The following DMBT1 variants were observed in gnomAD, a reference collection of about 807,000 sequenced individuals.
DMBT1 encodes the protein scavenger receptor cysteine-rich domain-containing protein DMBT1.
Under a neutral mutation model 252.9 loss-of-function variants are expected in DMBT1, and 198 were observed. The observed-to-expected ratio is 0.78, with a 90% CI of 0.70 to 0.88. DMBT1 has a LOEUF of 0.88. DMBT1 is among the 40% of genes least tolerant of loss of function. The probability of loss-of-function intolerance (pLI) is 0.00; values close to 1 mark genes in which losing one functional copy is unlikely to be tolerated. For synonymous variants in DMBT1, 990 were observed against 942.7 expected, an observed-to-expected ratio of 1.05 and a Z score of -0.92; for missense variants, 2,432 against 2,404.7, an observed-to-expected ratio of 1.01 and a Z score of -0.24.
chr10:122,599,745 T>C (rs1170013773), intron 26 of DMBT1, among the ~76,000 whole-genome samples: 1 of 152,126 alleles, frequency 6.6e-6, no homozygotes, highest in Non-Finnish European at 1.5e-5. Context: ...GCACAAGGGA[T>C]TTTGGCTGGA....
At chr10:122,573,957 C>T (rs934125763) in intron 6 of DMBT1, among the ~76,000 whole-genome samples, 195 bp downstream of exon 6, 8 of 152,170 alleles carry the variant, frequency 5.3e-5, no homozygotes, top group African/African-American at 1.9e-4. Flanking sequence ...GAGGAATCAA[C>T]TTGAAGACGC....
chr10:122,624,592 G>A (rs2098101454), intron 44 of DMBT1, among the ~76,000 whole-genome samples: 3 of 152,198 alleles, frequency 2.0e-5, no homozygotes, highest in Admixed American at 2.0e-4. Context: ...GTCAGGGCCA[G>A]GTGGAGGTCC....
rs550511204 is a variant in DMBT1 at position 122,585,466 on chromosome 10, G to C, written c.1459+157G>C. 3.2e-4 allele frequency among the ~76,000 whole-genome samples: 47 copies of C among 148,046 alleles called. 1 individual carries two copies. Among genetic ancestry groups the C allele is most frequent in the African/African-American group, 8.0e-4 (33 of 41,064 alleles). ...AGGTAGAGTCTCTGGGGACCCAGCT[G>C]TGGGTCTGATGTTGGAGGCTGGAGG... On this transcript the variant is annotated intron_variant, in intron 15 of 55. Coordinates refer to ENST00000338354, the MANE Select transcript of DMBT1 (RefSeq NM_001377530.1).
At chr10:122,571,750 T>C (rs1385392654) in intron 4 of DMBT1, among the ~76,000 whole-genome samples, 1 of 152,202 alleles carries the variant, frequency 6.6e-6, no homozygotes, top group East Asian at 1.9e-4. Context: ...GCATTCAGTG[T>C]TTGGGCTGGA....
intron 26 of DMBT1, among the ~76,000 whole-genome samples, chr10:122,599,512 A>T (rs908082183): frequency 1.3e-5 from 2 of 152,144 alleles, no homozygotes; most frequent in African/African-American, 4.8e-5. Flanking sequence ...CTCAGCTGAG[A>T]CCCAGTGAGG....
At chr10:122,625,133 A>G in intron 44 of DMBT1, 144 bp from the exon 45 acceptor site, 2 of 766,518 alleles carry the variant, frequency 2.6e-6, no homozygotes, top group Non-Finnish European at 4.5e-6. Flanking sequence ...ACTAACCGTT[A>G]AGGTTTATAT....
chr10:122,589,923 A>G (rs2097833476), intron 17 of DMBT1, among the ~76,000 whole-genome samples: 1 of 148,664 alleles, frequency 6.7e-6, no homozygotes, highest in South Asian at 2.3e-4. Context: ...CAATCCCAAC[A>G]TGAGTCTTGT....
intron 2 of DMBT1, among the ~76,000 whole-genome samples, chr10:122,568,186 T>G (rs2097618566): frequency 6.6e-6 from 1 of 152,030 alleles, no homozygotes; most frequent in Non-Finnish European, 1.5e-5. Flanking sequence ...ATGATGCCCT[T>G]ATTCCCAGCA....
At position 122,579,725 on chromosome 10, in the gene DMBT1, G is replaced by A. The variant is rs1320053022; in HGVS notation, c.827G>A (p.Gly276Asp). The change falls in exon 10 of 56, where the codon GGC becomes GAC. Residue 276 changes from glycine (G) to aspartate (D), a missense_variant. Gly to Asp is a moderately conservative substitution (Grantham distance 94). This residue lies in a region of DMBT1 where 1,264 missense variants were observed against 1,082.2 expected (regional missense o/e 1.17). Transcript: ENST00000338354. Reference sequence around the variant, plus strand: ...GCCAATGTGGTCTGCAGGCAGCTGGGCTGTGGCTGGGCCATGTCAGCCCCA... The same window carrying A: ...GCCAATGTGGTCTGCAGGCAGCTGGACTGTGGCTGGGCCATGTCAGCCCCA... ...NDANVVCRQL[G>D]CGWAMSAPGN... The A allele has an allele frequency of 1.9e-6, 3 of 1,613,874 alleles. No individual in the cohort carries two copies. Among genetic ancestry groups the A allele is most frequent in the Non-Finnish European group, 1.7e-6 (2 of 1,179,800 alleles).
chr10:122,566,020 T>C (rs2097586846), intron 2 of DMBT1, 24 bp downstream of exon 2: 2 of 1,613,350 alleles, frequency 1.2e-6, no homozygotes, highest in South Asian at 1.1e-5. Context: ...TTCACTCCTC[T>C]TCCCTGGTGG....
At chr10:122,569,926 G>A (rs1377377146) in intron 2 of DMBT1, among the ~76,000 whole-genome samples, 6 of 152,290 alleles carry the variant, frequency 3.9e-5, no homozygotes, top group South Asian at 2.1e-4. Context: ...AATACAGGTC[G>A]TGGCAGCAGA....
intron 52 of DMBT1, among the ~76,000 whole-genome samples, chr10:122,634,283 C>T (rs1033166580): frequency 1.3e-4 from 20 of 151,224 alleles, no homozygotes; most frequent in Admixed American, 2.6e-4. Context: ...ATCTGCTCTG[C>T]ATCCAATCAT....
chr10:122,634,425 C>T (rs1228804665), intron 52 of DMBT1, among the ~76,000 whole-genome samples: 3,557 of 68,862 alleles, frequency 0.052, 88 homozygotes, highest in African/African-American at 0.13. Context: ...CTCTCTCTCT[C>T]TCTCTTCTCT....
At chr10:122,638,259 C>T (rs993657758) in intron 54 of DMBT1, among the ~76,000 whole-genome samples, 3 of 152,048 alleles carry the variant, frequency 2.0e-5, no homozygotes, top group Non-Finnish European at 4.4e-5. Context: ...CCTGGAGACT[C>T]CCTGAGCGGC....
At chr10:122,628,742 C>T (rs1416463257) in intron 46 of DMBT1, among the ~76,000 whole-genome samples, 1 of 152,114 alleles carries the variant, frequency 6.6e-6, no homozygotes, top group Non-Finnish European at 1.5e-5. Flanking sequence ...CCATATTGTA[C>T]AATTTGTTTT....
At chr10:122,580,944 A>T in intron 11 of DMBT1, 49 bp downstream of exon 11, 1 of 1,605,860 alleles carries the variant, frequency 6.2e-7, no homozygotes, top group Non-Finnish European at 8.5e-7. Flanking sequence ...TTTCTGCCCA[A>T]TCACCCCTTC....
intron 14 of DMBT1, among the ~76,000 whole-genome samples, 167 bp from the exon 15 acceptor site, chr10:122,585,104 T>G (rs548214643): frequency 2.0e-5 from 3 of 148,668 alleles, no homozygotes; most frequent in Non-Finnish European, 4.5e-5. Context: ...CTTATGTCCC[T>G]TGCTGAGCTT....
intron 2 of DMBT1, 120 bp downstream of exon 2, chr10:122,566,116 G>A (rs1053781922): frequency 1.4e-5 from 14 of 995,262 alleles, no homozygotes; most frequent in South Asian, 1.3e-4. Flanking sequence ...CTTGTCGAAT[G>A]CAGGAATGCC....
chr10:122,585,095 T>C lies in DMBT1; in HGVS notation c.1421-176T>C, dbSNP rs528076886. 2.3e-4 allele frequency among the ~76,000 whole-genome samples: 34 copies of C among 148,610 alleles called. 3 individuals are homozygous for C. The highest frequency in any genetic ancestry group is 4.6e-4 in the South Asian group (2 of 4,352). On this transcript the variant is annotated intron_variant, in intron 14 of 55. Coordinates refer to ENST00000338354, the MANE Select transcript of DMBT1 (RefSeq NM_001377530.1). ...GGATCGAACTGGTCTCCAGCAAGGCTTATGTCCCTTGCTGAGCTTGCTGAG... is the reference window on the plus strand; with the variant it reads ...GGATCGAACTGGTCTCCAGCAAGGCCTATGTCCCTTGCTGAGCTTGCTGAG...
Sources: allele counts gnomAD v4.1 joint callset (sites outside exome capture counted in the v4.1 genomes callset), GRCh38; gene constraint gnomAD v4.1.1; regional missense constraint gnomAD v4.1.1; transcripts MANE v1.5; gene names NCBI Gene and HGNC (gene_info 2026-07-23, HGNC 2026-07-21).